The following APP variants were observed in gnomAD, a reference collection of about 807,000 sequenced individuals.
APP encodes amyloid beta precursor protein.
In APP, 31 loss-of-function variants were observed where a neutral mutation model predicts 101.4. That is an observed-to-expected ratio of 0.31 (90% CI 0.23 to 0.41). The LOEUF (loss-of-function observed/expected upper bound fraction) is 0.41. APP is among the 10% of genes least tolerant of loss of function. The probability of loss-of-function intolerance (pLI) is 1.00; values close to 1 mark genes in which losing one functional copy is unlikely to be tolerated. For synonymous variants in APP, 366 were observed against 364.4 expected, an observed-to-expected ratio of 1.00 and a Z score of -0.05; for missense variants, 839 against 1,003.7, an observed-to-expected ratio of 0.84 and a Z score of 2.22.
intron 2 of APP, among the ~76,000 whole-genome samples, chr21:26,091,511 T>C (rs981071395): frequency 6.6e-5 from 10 of 152,098 alleles, no homozygotes; most frequent in African/African-American, 2.4e-4. Context: ...ACTGACAAAT[T>C]GGAATACTGG....
chr21:26,003,588 A>G (rs1298759944), intron 6 of APP, among the ~76,000 whole-genome samples: 1 of 152,232 alleles, frequency 6.6e-6, no homozygotes, highest in Non-Finnish European at 1.5e-5. Context: ...TGTATGGAGA[A>G]GATGTACGTG....
At chr21:25,914,605 G>C (rs996221588) in intron 13 of APP, among the ~76,000 whole-genome samples, 21 of 147,540 alleles carry the variant, frequency 1.4e-4, no homozygotes, top group South Asian at 6.5e-4. Flanking sequence ...CCAGGCTGGA[G>C]TGCAGTGGCG....
chr21:25,958,931 G>T (rs1366415449), intron 11 of APP, among the ~76,000 whole-genome samples: 1 of 152,096 alleles, frequency 6.6e-6, no homozygotes, highest in Non-Finnish European at 1.5e-5. Context: ...CACCTTATTG[G>T]TGAGGCATGA....
chr21:26,142,973 T>G (rs1287274446), intron 1 of APP, among the ~76,000 whole-genome samples: 1 of 152,240 alleles, frequency 6.6e-6, no homozygotes, highest in Non-Finnish European at 1.5e-5. Context: ...CTTTATTCCA[T>G]GTCAAAGATA....
chr21:25,889,384 A>G (rs1223140162), intron 17 of APP, among the ~76,000 whole-genome samples: 1 of 152,004 alleles, frequency 6.6e-6, no homozygotes, highest in Non-Finnish European at 1.5e-5. Context: ...TTGATCTTAC[A>G]CTCCAGAAAT....
chr21:25,951,106 C>T (rs553031041), intron 13 of APP, among the ~76,000 whole-genome samples: 41 of 140,960 alleles, frequency 2.9e-4, no homozygotes, highest in African/African-American at 1.1e-3. Context: ...CATGAACAGA[C>T]AGGATGCCTC....
rs182740128 is a variant in APP, at chr21:25,940,926, C to T, written c.1687+13664G>A. On this transcript the variant is annotated intron_variant, in intron 13 of 17. Coordinates refer to ENST00000346798, the MANE Select transcript of APP (RefSeq NM_000484.4). ...ATGGAATGTGCTTTTCCAACAAGTT[C>T]CCAGGTGATGCCAGGCGATGCTGAT... is the stretch of plus-strand genomic sequence containing the variant. Among the ~76,000 whole-genome samples the T allele has an allele frequency of 4.9e-3, 750 of 152,234 alleles. 5 individuals carry two copies. The highest frequency in any genetic ancestry group is 7.9e-3 in the Admixed American group (121 of 15,280).
chr21:26,063,606 G>A (rs1011481247), intron 3 of APP, among the ~76,000 whole-genome samples: 1 of 152,042 alleles, frequency 6.6e-6, no homozygotes, highest in South Asian at 2.1e-4. Context: ...GGAATAATTT[G>A]AGCAATAAAA....
chr21:26,023,995 T>C (rs1436602000), intron 5 of APP, among the ~76,000 whole-genome samples: 1 of 152,072 alleles, frequency 6.6e-6, no homozygotes, highest in Admixed American at 6.5e-5. Context: ...ATAAGCAAAT[T>C]TGGATGGCAA....
chr21:26,137,293 A>G (rs465853), intron 1 of APP, among the ~76,000 whole-genome samples: 21,841 of 152,144 alleles, frequency 0.14, 2,600 homozygotes, highest in African/African-American at 0.31. Context: ...TATTTGAGAG[A>G]AGGTTAAGGT....
At chr21:26,041,892 A>G (rs2045387192) in intron 5 of APP, among the ~76,000 whole-genome samples, 1 of 152,104 alleles carries the variant, frequency 6.6e-6, no homozygotes, top group Non-Finnish European at 1.5e-5. Context: ...AAGAAAATGC[A>G]AGTTTCTGCT....
chr21:26,159,086 A>T (rs1457260686), intron 1 of APP, among the ~76,000 whole-genome samples: 3 of 147,242 alleles, frequency 2.0e-5, no homozygotes, highest in African/African-American at 7.4e-5. Flanking sequence ...AAGATAGTAA[A>T]TTTTTTTTTT....
At chr21:26,069,203 T>C (rs975811495) in intron 3 of APP, among the ~76,000 whole-genome samples, 2 of 152,156 alleles carry the variant, frequency 1.3e-5, no homozygotes, top group Admixed American at 6.5e-5. Flanking sequence ...ACTTTCTCAA[T>C]AGATACTTAT....
chr21:26,115,547 G>C (rs1428021416), intron 1 of APP, among the ~76,000 whole-genome samples: 2 of 152,172 alleles, frequency 1.3e-5, no homozygotes, highest in East Asian at 3.9e-4. Context: ...TGGTTGCTAA[G>C]CGCAGCCACT....
chr21:26,063,679 C>A (rs777495631), intron 3 of APP, among the ~76,000 whole-genome samples: 8 of 152,206 alleles, frequency 5.3e-5, no homozygotes, highest in Admixed American at 1.3e-4. Context: ...GTCTAAATGA[C>A]TGAATGAATG....
chr21:25,982,579 C>A (rs2042476631), intron 8 of APP, 102 bp from the exon 9 acceptor site: 1 of 1,206,614 alleles, frequency 8.3e-7, no homozygotes, highest in Non-Finnish European at 1.2e-6. Context: ...TTTCTCAGAA[C>A]AGAGAATTTA....
At chr21:25,894,078 C>T (rs2037870997) in intron 16 of APP, among the ~76,000 whole-genome samples, 1 of 152,192 alleles carries the variant, frequency 6.6e-6, no homozygotes. Context: ...GGGATGACAG[C>T]ACATCTCTTA....
At chr21:26,139,730 T>G (rs1322235475) in intron 1 of APP, among the ~76,000 whole-genome samples, 1 of 152,068 alleles carries the variant, frequency 6.6e-6, no homozygotes, top group Non-Finnish European at 1.5e-5. Flanking sequence ...TCGTCTCTAT[T>G]AAAAATACAG....
At chr21:25,940,008 A>T (rs1344117518) in intron 13 of APP, among the ~76,000 whole-genome samples, 1 of 152,140 alleles carries the variant, frequency 6.6e-6, no homozygotes, top group Non-Finnish European at 1.5e-5. Context: ...AAAGCGGAGA[A>T]TGTCTGACAT....
Sources: allele counts gnomAD v4.1 joint callset (sites outside exome capture counted in the v4.1 genomes callset), GRCh38; gene constraint gnomAD v4.1.1; transcripts MANE v1.5; gene names NCBI Gene and HGNC (gene_info 2026-07-23, HGNC 2026-07-21).